The following FAM53C variants were observed in gnomAD, a reference collection of about 807,000 sequenced individuals.
FAM53C encodes the protein protein FAM53C.
In FAM53C, 10 loss-of-function variants were observed where a neutral mutation model predicts 34.7. The ratio of observed to expected loss-of-function variants is 0.29; its 90% CI spans 0.18 to 0.49. The LOEUF is 0.49. FAM53C is among the 20% of genes least tolerant of loss of function. FAM53C has a pLI of 0.99. For missense variants in FAM53C, 442 were observed against 515.3 expected, an observed-to-expected ratio of 0.86 and a Z score of 1.38; for synonymous variants, 203 against 203.6, an observed-to-expected ratio of 1.00 and a Z score of 0.03.
At chr5:138,341,545 C>A in intron 2 of FAM53C, 132 bp downstream of exon 2, 1 of 916,184 alleles carries the variant, frequency 1.1e-6, no homozygotes, top group Admixed American at 2.1e-5. Flanking sequence ...CCACTAATGG[C>A]TCAAAACCCA....
rs201276006 is a variant in FAM53C at position 138,349,682 on chromosome 5, T to C, written c.*2723T>C. On this transcript the variant is annotated 3_prime_UTR_variant, in exon 5 of 5. Transcript: ENST00000239906. ...ACATGAGGTTCTGCCTCTGTGGCTGTGTTTGAAAAAATAAAGTTTTATTAG... is the reference window on the plus strand; with the variant it reads ...ACATGAGGTTCTGCCTCTGTGGCTGCGTTTGAAAAAATAAAGTTTTATTAG... 1 of 152,430 alleles carries C rather than the reference T, an allele frequency of 6.6e-6. No individual in the cohort carries two copies. The highest frequency in any genetic ancestry group is 2.1e-4 in the South Asian group (1 of 4,834). The allele number at this position is 152,430 out of a possible 1,614,324, so 9.4% of individuals were successfully genotyped here. A position where few individuals can be genotyped will look rare whatever the true frequency, so the allele number is the denominator to read the frequency against.
chr5:138,337,569 G>A (rs1282273775), upstream of FAM53C: 1 of 202,358 alleles, frequency 4.9e-6, no homozygotes, highest in East Asian at 1.8e-4. Context: ...AGAGAGAAGA[G>A]AGGGAGTGAA....
upstream of FAM53C, chr5:138,338,109 C>A (rs1326652879): frequency 7.8e-7 from 1 of 1,289,788 alleles, no homozygotes; most frequent in East Asian, 5.6e-5. Context: ...ACAGCGCTGT[C>A]CGAGAGACAC....
rs939950034 is a variant in FAM53C, at chr5:138,347,337, G to A, written c.*378G>A. The A allele has an allele frequency of 7.2e-5, 21 of 291,880 alleles. No individual in the cohort carries two copies. The Admixed American group carries it at 9.4e-4, about 13-fold the overall frequency. 18.1% of individuals were successfully genotyped at this position (291,880 alleles called of 1,614,324 possible). A position where few individuals can be genotyped will look rare whatever the true frequency, so the allele number is the denominator to read the frequency against. Reference sequence around the variant, plus strand: ...GTCTTAGAATTTGGCCAGGGTGGGGGGTTGAGTCAGCCTCCTCAGAGAAAC... The same window carrying A: ...GTCTTAGAATTTGGCCAGGGTGGGGAGTTGAGTCAGCCTCCTCAGAGAAAC... On this transcript the variant is annotated 3_prime_UTR_variant, in exon 5 of 5. Coordinates refer to ENST00000239906, the MANE Select transcript of FAM53C (RefSeq NM_016605.3).
At position 138,344,898 on chromosome 5, in the gene FAM53C, T is replaced by C. The variant is rs1269693704; in HGVS notation, c.210T>C (p.His70=). The C allele has an allele frequency of 1.2e-6, 2 of 1,612,962 alleles. No individual in the cohort carries two copies. Among genetic ancestry groups the C allele is most frequent in the East Asian group, 2.2e-5 (1 of 44,892 alleles). The change falls in exon 4 of 5, where the codon CAT becomes CAC. Residue 70 remains histidine (H), a synonymous_variant. Coordinates refer to ENST00000239906, the MANE Select transcript of FAM53C (RefSeq NM_016605.3). Reference sequence around the variant, plus strand: ...AGGACAGCCTCAACTTCAGCTACCATCCCTCAGGCCTGAGCCTGCACCTCA... The same window carrying C: ...AGGACAGCCTCAACTTCAGCTACCACCCCTCAGGCCTGAGCCTGCACCTCA... ...EFQDSLNFSY[H]PSGLSLHLRP... is the part of the protein sequence containing the mutation.
rs1761142360 is a variant in FAM53C, at chr5:138,345,376, C to CG, written c.689dup (p.Phe231LeufsTer47). On this transcript the variant is annotated frameshift_variant, in exon 4 of 5. Transcript: ENST00000239906. LOFTEE classifies it high-confidence loss of function. The surrounding 1 kb of genome is among the most constrained non-coding windows in gnomAD (Gnocchi z 6.3). ...CTTGTCACCTTGCCCACCTCAGCGC[C>CG]GCTTCTCCCTGTCACCCAGTCTGGG... 1 of 1,614,136 alleles carries CG rather than the reference C, an allele frequency of 6.2e-7. No individual in the cohort carries two copies. The highest frequency in any genetic ancestry group is 8.5e-7 in the Non-Finnish European group (1 of 1,180,040).
At chr5:138,338,385 C>G (rs1468933621) in intron 1 of FAM53C, 78 bp downstream of exon 1, 1 of 366,656 alleles carries the variant, frequency 2.7e-6, no homozygotes, top group Non-Finnish European at 5.3e-6. Flanking sequence ...CCTCTTTCCC[C>G]TCCCCCAGCC....
intron 3 of FAM53C, among the ~76,000 whole-genome samples, chr5:138,344,123 C>T (rs1298135737): frequency 6.6e-6 from 1 of 152,170 alleles, no homozygotes. Flanking sequence ...CTCTTGGTCC[C>T]TCCATCTGTT....
At chr5:138,343,510 CAAAAA>C (rs548727260) in intron 3 of FAM53C, among the ~76,000 whole-genome samples, 2 of 77,182 alleles carry the variant, frequency 2.6e-5, no homozygotes, top group Admixed American at 1.5e-4. Flanking sequence ...GATTCCATCT[CAAAAA>C]AAAAAAAAAG....
upstream of FAM53C, chr5:138,337,843 A>C: frequency 1.6e-6 from 1 of 614,038 alleles, no homozygotes; most frequent in Non-Finnish European, 2.5e-6. Context: ...AGGGCGGGGC[A>C]GCAGAGCAGG....
chr5:138,341,450 TC>T (rs746010623), intron 2 of FAM53C, 37 bp downstream of exon 2: 3 of 1,544,716 alleles, frequency 1.9e-6, no homozygotes, highest in Admixed American at 3.3e-5. Flanking sequence ...CACGACCCCC[TC>T]CCCCTTTTTT....
At chr5:138,337,750 G>T (rs1252472567), upstream of FAM53C, 3 of 351,832 alleles carry the variant, frequency 8.5e-6, no homozygotes, top group African/African-American at 6.5e-5. Flanking sequence ...ATCCGCGCTT[G>T]GACCACACTT....
chr5:138,341,468 C>A, intron 2 of FAM53C, 55 bp downstream of exon 2: 1 of 1,413,340 alleles, frequency 7.1e-7, no homozygotes. Context: ...TTTTCTGAGG[C>A]TGATTGTTGC....
Position 138,345,723 on chromosome 5 carries a change from T to C in FAM53C, c.921+114T>C. The C allele has an allele frequency of 8.1e-7, 1 of 1,236,680 alleles. No homozygotes were observed. The highest frequency in any genetic ancestry group is 1.1e-6 in the Non-Finnish European group (1 of 891,782). The allele number at this position is 1,236,680 out of a possible 1,614,324, so 76.6% of individuals were successfully genotyped here. A position where few individuals can be genotyped will look rare whatever the true frequency, so the allele number is the denominator to read the frequency against. The stretch of plus-strand genomic sequence containing the variant: ...TGCCGCCCCCACCACCAACAGCACC[T>C]CCTTTAGCTCTTAGCTAGGGTGACC... On this transcript the variant is annotated intron_variant, in intron 4 of 4. Transcript: ENST00000239906. This position sits in a 1 kb window ranked among gnomAD's most constrained non-coding sequence, Gnocchi z 6.3.
In FAM53C at chr5:138,338,268, A is replaced by C. The variant is rs1760862623; in HGVS notation, c.-192A>C. On this transcript the variant is annotated 5_prime_UTR_variant, in exon 1 of 5. Coordinates refer to ENST00000239906, the MANE Select transcript of FAM53C (RefSeq NM_016605.3). ...ACCGTGGGGCGAACCGAGCGCTCAGAGCTGCTCCGGCCGCGGCCCTGGGAG... is the reference window on the plus strand; with the variant it reads ...ACCGTGGGGCGAACCGAGCGCTCAGCGCTGCTCCGGCCGCGGCCCTGGGAG... 1 of 991,148 alleles carries C rather than the reference A, an allele frequency of 1.0e-6. No homozygotes were observed. The highest frequency in any genetic ancestry group is 1.4e-6 in the Non-Finnish European group (1 of 716,680). 61.4% of individuals were successfully genotyped at this position (991,148 alleles called of 1,614,324 possible). A position where few individuals can be genotyped will look rare whatever the true frequency, so the allele number is the denominator to read the frequency against.
At chr5:138,337,809 AT>A (rs1441850344), upstream of FAM53C, 3 of 443,204 alleles carry the variant, frequency 6.8e-6, no homozygotes, top group Non-Finnish European at 1.2e-5. Flanking sequence ...GGGAAGGGGG[AT>A]TCCTTCGAAG....
intron 3 of FAM53C, 45 bp downstream of exon 3, chr5:138,341,911 C>T: frequency 6.3e-7 from 1 of 1,577,294 alleles, no homozygotes; most frequent in Non-Finnish European, 8.7e-7. Flanking sequence ...ACCCATTCCT[C>T]TCTCCACACA....
upstream of FAM53C, chr5:138,337,721 G>A (rs1760807764): frequency 3.0e-6 from 1 of 336,266 alleles, no homozygotes; most frequent in Non-Finnish European, 5.8e-6. Context: ...GGGGCTCCTG[G>A]GACTCCGAGC....
Position 138,345,405 on chromosome 5 carries a change from G to T in FAM53C, c.717G>T (p.Pro239=). ...TCTCCCTGTCACCCAGTCTGGGCCC[G>T]CAGGCAAGCCGCTTCTTGCCCTCTG... is the stretch of plus-strand genomic sequence containing the variant. ...RRFSLSPSLG[P]QASRFLPSAR... Residue 239 remains proline (P), a synonymous_variant, in exon 4 of 5, where the codon CCG becomes CCT. Transcript: ENST00000239906. The surrounding 1 kb of genome is among the most constrained non-coding windows in gnomAD (Gnocchi z 6.3). 1 of 1,613,838 alleles carries T rather than the reference G, an allele frequency of 6.2e-7. No individual in the cohort carries two copies. The highest frequency in any genetic ancestry group is 8.5e-7 in the Non-Finnish European group (1 of 1,180,024).
Sources: gnomAD v4.1 joint callset for allele counts (sites outside exome capture counted in the v4.1 genomes callset) on GRCh38, gnomAD v4.1.1 for gene constraint, Gnocchi (gnomAD v3.1) non-coding constraint, MANE v1.5 for transcripts, NCBI Gene and HGNC (gene_info 2026-07-23, HGNC 2026-07-21) for gene names.